SRFBP1: variants seen among roughly 807,000 people sequenced by gnomAD.
The protein encoded by SRFBP1 is serum response factor-binding protein 1.
A neutral mutation model predicts 45.5 loss-of-function variants in SRFBP1; 47 were observed. The ratio of observed to expected loss-of-function variants is 1.03; its 90% CI spans 0.82 to 1.32. The LOEUF (loss-of-function observed/expected upper bound fraction) is 1.32. Among genes scored for constraint, SRFBP1 ranks in the 40% most tolerant of loss-of-function variants. The pLI, the probability that SRFBP1 is intolerant of heterozygous loss-of-function variation, is 0.00. For missense variants in SRFBP1, 621 were observed against 484.6 expected (o/e 1.28, Z -2.64); for synonymous variants, 203 against 166.3 (o/e 1.22, Z -1.70).
intron 3 of SRFBP1, among the ~76,000 whole-genome samples, chr5:121,975,936 C>G (rs1157192891): frequency 6.6e-6 from 1 of 151,464 alleles, no homozygotes; most frequent in Non-Finnish European, 1.5e-5. Context: ...TCTTGCTGCT[C>G]TTACTTTGAG....
rs543917255 is a variant in SRFBP1 at position 122,024,541 on chromosome 5, T to C, written c.1105+2134T>C. ...TCATTCATCAGCGATAGAAAAGTAA[T>C]GGAAGATTGAATGTGAGGTTTTTAT... On this transcript the variant is annotated intron_variant, in intron 7 of 7. Coordinates refer to ENST00000339397, the MANE Select transcript of SRFBP1 (RefSeq NM_152546.3). 2.0e-4 allele frequency among the ~76,000 whole-genome samples: 30 copies of C among 152,298 alleles called. 1 individual carries two copies. In the South Asian group the frequency reaches 5.8e-3, roughly 29 times the overall value.
At chr5:121,965,594 C>T (rs912910959) in intron 1 of SRFBP1, among the ~76,000 whole-genome samples, 4 of 152,108 alleles carry the variant, frequency 2.6e-5, no homozygotes, top group African/African-American at 9.7e-5. Context: ...TTACTATAGC[C>T]TTGTATTATA....
chr5:122,030,716 A>G (rs1168000668), downstream of SRFBP1, among the ~76,000 whole-genome samples: 1 of 152,012 alleles, frequency 6.6e-6, no homozygotes, highest in African/African-American at 2.4e-5. Flanking sequence ...TTTTTGAGTA[A>G]GTCTGAAGTC....
In SRFBP1 at chr5:122,010,885, C is replaced by G. The variant is rs77109332; in HGVS notation, c.271-8375C>G. Among the ~76,000 whole-genome samples, 764 of 152,142 alleles carry G rather than the reference C, an allele frequency of 5.0e-3. 10 individuals carry two copies. The highest frequency in any genetic ancestry group is 0.017 in the African/African-American group (721 of 41,530). On this transcript the variant is annotated intron_variant, in intron 4 of 7. Transcript: ENST00000339397. ...GGAAAAGATTTCATTTGTCTATTTT[C>G]AGCATTTATTTAAAAAATCTTAGTT...
chr5:121,998,540 A>G (rs903451144), intron 4 of SRFBP1, among the ~76,000 whole-genome samples: 12 of 142,878 alleles, frequency 8.4e-5, no homozygotes, highest in Middle Eastern at 3.6e-3. Context: ...GGGGAGGGAT[A>G]GCATTGGGAG....
chr5:121,978,655 C>G (rs1461796234), intron 3 of SRFBP1, among the ~76,000 whole-genome samples: 1 of 152,090 alleles, frequency 6.6e-6, no homozygotes, highest in Non-Finnish European at 1.5e-5. Flanking sequence ...TCATGCCTGG[C>G]TAACTTTTGT....
At chr5:122,060,068 C>G (rs1754146872) in intron 2 of SRFBP1, among the ~76,000 whole-genome samples, 1 of 152,034 alleles carries the variant, frequency 6.6e-6, no homozygotes, top group African/African-American at 2.4e-5. Context: ...AAATGCCCTA[C>G]TAAGACTTCA....
At chr5:121,994,332 G>A (rs368983294) in intron 3 of SRFBP1, among the ~76,000 whole-genome samples, 1 of 151,846 alleles carries the variant, frequency 6.6e-6, no homozygotes, top group Non-Finnish European at 1.5e-5. Flanking sequence ...TGTTCTTTGT[G>A]AGTCTTTATT....
chr5:122,048,080 A>G (rs540649840), intron 2 of SRFBP1, among the ~76,000 whole-genome samples: 2 of 152,242 alleles, frequency 1.3e-5, no homozygotes, highest in Non-Finnish European at 2.9e-5. Context: ...TTCCAACACT[A>G]TATTGAATAG....
chr5:122,016,232 A>G (rs112724427), intron 4 of SRFBP1, among the ~76,000 whole-genome samples: 5,831 of 152,168 alleles, frequency 0.038, 327 homozygotes, highest in African/African-American at 0.12. Flanking sequence ...CCTTCTGCCT[A>G]AGTCTTCTGT....
chr5:122,022,587 T>C (rs916144733), intron 7 of SRFBP1, among the ~76,000 whole-genome samples, 180 bp downstream of exon 7: 1 of 152,188 alleles, frequency 6.6e-6, no homozygotes, highest in African/African-American at 2.4e-5. Context: ...TTTTCTTCTG[T>C]GTCCTGCCAG....
intron 2 of SRFBP1, chr5:122,069,953 C>A (rs375683149): frequency 5.1e-5 from 44 of 866,642 alleles, no homozygotes; most frequent in Non-Finnish European, 7.9e-6. Flanking sequence ...TACAAGAAAG[C>A]TGCTGTAGTA....
chr5:122,073,611 T>C (rs1271470244), intron 2 of SRFBP1, among the ~76,000 whole-genome samples: 3 of 152,198 alleles, frequency 2.0e-5, no homozygotes, highest in Non-Finnish European at 4.4e-5. Flanking sequence ...GGTGCATATG[T>C]TGTCAACCAT....
chr5:122,067,493 T>C (rs1232623663), intron 2 of SRFBP1, among the ~76,000 whole-genome samples: 1 of 152,062 alleles, frequency 6.6e-6, no homozygotes, highest in Non-Finnish European at 1.5e-5. Context: ...GGAAAAGCAA[T>C]CAGTGAACTG....
intron 2 of SRFBP1, among the ~76,000 whole-genome samples, chr5:122,058,739 A>T (rs534852754): frequency 6.6e-6 from 1 of 152,228 alleles, no homozygotes; most frequent in South Asian, 2.1e-4. Flanking sequence ...TTGGCCTCTC[A>T]TGTTGTTGGG....
At chr5:122,053,201 A>T (rs756425902) in intron 2 of SRFBP1, among the ~76,000 whole-genome samples, 36 of 152,270 alleles carry the variant, frequency 2.4e-4, no homozygotes, top group Middle Eastern at 6.8e-3. Context: ...TTCAGGTGGA[A>T]GCAGGACCAT....
intron 4 of SRFBP1, among the ~76,000 whole-genome samples, chr5:122,006,118 A>T (rs1199844062): frequency 6.6e-6 from 1 of 152,052 alleles, no homozygotes; most frequent in African/African-American, 2.4e-5. Flanking sequence ...TTTGTCTGGG[A>T]ATGTTTTTAT....
intron 4 of SRFBP1, among the ~76,000 whole-genome samples, chr5:122,011,575 A>G (rs968995380): frequency 2.6e-5 from 4 of 152,144 alleles, no homozygotes; most frequent in African/African-American, 9.7e-5. Context: ...TCCATTTTCT[A>G]TCTCACCTAT....
intron 2 of SRFBP1, among the ~76,000 whole-genome samples, chr5:122,049,155 G>A (rs1251111055): frequency 2.6e-5 from 4 of 151,642 alleles, no homozygotes; most frequent in Non-Finnish European, 2.9e-5. Flanking sequence ...TCAATACATA[G>A]GCTCAAAATA....
Sources: gnomAD v4.1 joint callset for allele counts (sites outside exome capture counted in the v4.1 genomes callset) on GRCh38, gnomAD v4.1.1 for gene constraint, MANE v1.5 for transcripts, NCBI Gene and HGNC (gene_info 2026-07-23, HGNC 2026-07-21) for gene names.